Variants in SORCS1 observed in about 807,000 individuals in gnomAD.
SORCS1 encodes the protein VPS10 domain-containing receptor SorCS1.
A neutral mutation model predicts 146.1 loss-of-function variants in SORCS1; 60 were observed. The ratio of observed to expected loss-of-function variants is 0.41; its 90% confidence interval spans 0.33 to 0.51. The LOEUF (loss-of-function observed/expected upper bound fraction) is 0.51, where lower values mean the gene tolerates loss of function less well. SORCS1 is among the 20% of genes least tolerant of loss of function. The probability of loss-of-function intolerance (pLI) is 0.21; values close to 1 mark genes in which losing one functional copy is unlikely to be tolerated. For missense variants in SORCS1, 1,352 were observed against 1,487.6 expected (o/e 0.91, Z 1.50); for synonymous variants, 637 against 584.0 (o/e 1.09, Z -1.31).
In SORCS1 at chr10:107,114,131, G is replaced by A. The variant is rs562168310; in HGVS notation, c.558+49838C>T. On this transcript the variant is annotated intron_variant, in intron 1 of 25. Coordinates refer to ENST00000263054, the MANE Select transcript of SORCS1 (RefSeq NM_052918.5). ...TAATTTGAATAGACAAATAACAAGT[G>A]AGAAGATTGAATCAGTAATCAAAAA... 3.9e-5 allele frequency among the ~76,000 whole-genome samples: 6 copies of A among 152,192 alleles called. No individual in the cohort carries two copies. In the South Asian group the frequency reaches 1.2e-3, roughly 32 times the overall value.
At chr10:106,952,112 A>G (rs1382644466) in intron 2 of SORCS1, among the ~76,000 whole-genome samples, 1 of 152,052 alleles carries the variant, frequency 6.6e-6, no homozygotes, top group African/African-American at 2.4e-5. Flanking sequence ...ACACAGTTAC[A>G]TTTCTTCCCT....
chr10:106,762,597 C>A (rs904399078), intron 4 of SORCS1, among the ~76,000 whole-genome samples: 1 of 151,544 alleles, frequency 6.6e-6, no homozygotes, highest in African/African-American at 2.4e-5. Context: ...TGGGGTTTCA[C>A]CATGTTAGTC....
intron 1 of SORCS1, among the ~76,000 whole-genome samples, chr10:106,958,913 G>A (rs547503805): frequency 4.6e-5 from 7 of 152,080 alleles, no homozygotes; most frequent in South Asian, 2.1e-4. Flanking sequence ...CAATTTTGCC[G>A]AATAAGCCTA....
intron 1 of SORCS1, among the ~76,000 whole-genome samples, chr10:107,072,030 T>C (rs1001746574): frequency 6.6e-6 from 1 of 152,182 alleles, no homozygotes. Flanking sequence ...AGGCAATTTG[T>C]TCCTGGAGTG....
At chr10:106,679,172 G>GA in intron 12 of SORCS1, 84 bp downstream of exon 12, 1 of 1,017,140 alleles carries the variant, frequency 9.8e-7, no homozygotes, top group Non-Finnish European at 1.5e-6. Flanking sequence ...TAGCACCGCT[G>GA]AAAAAAGTTC....
chr10:106,939,111 A>G (rs1953900468), intron 2 of SORCS1, among the ~76,000 whole-genome samples: 1 of 152,236 alleles, frequency 6.6e-6, no homozygotes, highest in Non-Finnish European at 1.5e-5. Context: ...AAGAAAAATA[A>G]TCTAGGAAAC....
intron 5 of SORCS1, among the ~76,000 whole-genome samples, chr10:106,751,298 C>G (rs1041855546): frequency 6.6e-6 from 1 of 152,058 alleles, no homozygotes; most frequent in African/African-American, 2.4e-5. Flanking sequence ...GCTCCTTATC[C>G]AAACCATACA....
At chr10:106,891,530 T>G (rs74152264) in intron 2 of SORCS1, among the ~76,000 whole-genome samples, 1 of 148,266 alleles carries the variant, frequency 6.7e-6, no homozygotes, top group African/African-American at 2.6e-5. Context: ...GAAAAGACCT[T>G]GCTCTGTTGC....
intron 1 of SORCS1, among the ~76,000 whole-genome samples, chr10:107,101,146 A>G (rs565286859): frequency 1.4e-4 from 22 of 152,080 alleles, no homozygotes; most frequent in Admixed American, 7.9e-4. Flanking sequence ...TGCAACCTCC[A>G]TCTCTCGGGC....
intron 1 of SORCS1, among the ~76,000 whole-genome samples, chr10:107,023,370 C>T (rs1958239624): frequency 6.6e-6 from 1 of 152,134 alleles, no homozygotes; most frequent in Non-Finnish European, 1.5e-5. Flanking sequence ...CCACTCTGTC[C>T]CCAAACCACT....
In SORCS1 at chr10:106,797,330, AT is replaced by A. The variant is rs372354051; in HGVS notation, c.727-20639del. Among the ~76,000 whole-genome samples the A allele has an allele frequency of 3.6e-3, 534 of 150,242 alleles. 7 individuals are homozygous for A. The highest frequency in any genetic ancestry group is 0.012 in the African/African-American group (477 of 40,976). The stretch of plus-strand genomic sequence containing the variant: ...CAATGGCATTTAACTCAAATATACA[AT>A]TTTTTTTTTCAAATATATCATTTGC... On this transcript the variant is annotated intron_variant, in intron 3 of 25. Transcript: ENST00000263054.
chr10:106,953,193 G>T (rs1023725622), intron 2 of SORCS1, among the ~76,000 whole-genome samples: 1 of 150,526 alleles, frequency 6.6e-6, no homozygotes, highest in Non-Finnish European at 1.5e-5. Context: ...GTGTGTATAC[G>T]CATGGTCATC....
intron 3 of SORCS1, among the ~76,000 whole-genome samples, chr10:106,812,062 C>A (rs1013204794): frequency 2.6e-5 from 4 of 151,916 alleles, no homozygotes; most frequent in African/African-American, 9.7e-5. Flanking sequence ...GTGCAGTGGC[C>A]CGATCCTGGC....
At chr10:106,906,204 G>T (rs112083847) in intron 2 of SORCS1, among the ~76,000 whole-genome samples, 1 of 152,106 alleles carries the variant, frequency 6.6e-6, no homozygotes, top group African/African-American at 2.4e-5. Context: ...AAGCTCAGCC[G>T]CCTGGGTTCA....
At chr10:106,690,575 G>A (rs965411722) in intron 9 of SORCS1, among the ~76,000 whole-genome samples, 23 of 152,234 alleles carry the variant, frequency 1.5e-4, no homozygotes, top group Admixed American at 1.2e-3. Context: ...CTTGAGCAAA[G>A]AGCTGTGCTT....
rs41291878 is a variant in SORCS1, at chr10:106,829,554, G to A, written c.726+20C>T. 19,146 of 1,539,622 alleles carry A rather than the reference G, an allele frequency of 0.012. 153 individuals carry two copies. Among genetic ancestry groups the A allele is most frequent in the Non-Finnish European group, 0.015 (16,780 of 1,121,744 alleles). On this transcript the variant is annotated intron_variant, in intron 3 of 25. Transcript: ENST00000263054. ...AAGTCACATCATGAATGAGTAGCAT[G>A]CTGAATATACATTTCTTACCTTACG...
intron 2 of SORCS1, among the ~76,000 whole-genome samples, chr10:106,879,240 C>T (rs1202665912): frequency 1.3e-5 from 2 of 152,140 alleles, no homozygotes; most frequent in South Asian, 2.1e-4. Context: ...GACCACACTG[C>T]TCACGGAACT....
In SORCS1 at chr10:107,164,440, C is replaced by A. The variant is rs1250532822; in HGVS notation, c.87G>T (p.Pro29=). ...AGAGLLILCA[P]GVCGGGSCCP... ...AGCAGGAGCCGCCGCCGCAGACGCC[C>A]GGGGCGCAGAGGATCAAGAGCCCCG... The change falls in exon 1 of 26, where the codon CCG becomes CCT. Residue 29 remains proline, a synonymous_variant. Transcript: ENST00000263054. This position sits in a 1 kb window ranked among gnomAD's most constrained non-coding sequence, Gnocchi z 6.8. 2.1e-6 allele frequency: 3 copies of A among 1,409,162 alleles called. No individual in the cohort carries two copies. In the East Asian group the frequency reaches 8.0e-5, roughly 38 times the overall value. 87.3% of individuals were successfully genotyped at this position (1,409,162 alleles called of 1,614,324 possible). A position where few individuals can be genotyped will look rare whatever the true frequency, so the allele number is the denominator to read the frequency against.
chr10:107,118,390 T>G (rs1966177638), intron 1 of SORCS1, among the ~76,000 whole-genome samples: 1 of 152,222 alleles, frequency 6.6e-6, no homozygotes, highest in Admixed American at 6.5e-5. Flanking sequence ...GTGTTTATTT[T>G]TTCTTTAGCT....
Sources: allele counts gnomAD v4.1 joint callset (sites outside exome capture counted in the v4.1 genomes callset), GRCh38; gene constraint gnomAD v4.1.1; non-coding constraint Gnocchi (gnomAD v3.1); transcripts MANE v1.5; gene names NCBI Gene and HGNC (gene_info 2026-07-23, HGNC 2026-07-21).